The following GALNTL6 variants were observed in gnomAD, a reference collection of about 807,000 sequenced individuals.
The protein encoded by GALNTL6 is polypeptide N-acetylgalactosaminyltransferase like 6.
A neutral mutation model predicts 73.7 loss-of-function variants in GALNTL6; 46 were observed. The ratio of observed to expected loss-of-function variants is 0.62; its 90% CI spans 0.49 to 0.80. The LOEUF is 0.80. Ranked by LOEUF, GALNTL6 falls within the 30% of genes least tolerant of loss-of-function variation. The pLI is 0.00. For synonymous variants in GALNTL6, 259 were observed against 263.7 expected, an observed-to-expected ratio of 0.98 and a Z score of 0.17; for missense variants, 604 against 755.0, an observed-to-expected ratio of 0.80 and a Z score of 2.34.
At chr4:172,143,846 T>C (rs1733860935) in intron 2 of GALNTL6, among the ~76,000 whole-genome samples, 1 of 152,142 alleles carries the variant, frequency 6.6e-6, no homozygotes, top group South Asian at 2.1e-4. Context: ...TCTTATCTTC[T>C]TTTTTTCCCT....
intron 5 of GALNTL6, among the ~76,000 whole-genome samples, chr4:172,759,986 G>A (rs1441436162): frequency 1.3e-5 from 2 of 150,888 alleles, no homozygotes; most frequent in East Asian, 1.9e-4. Context: ...ACAGGCGCCC[G>A]CCACCGCGCC....
intron 5 of GALNTL6, among the ~76,000 whole-genome samples, chr4:172,489,609 G>T (rs337985): frequency 0.11 from 16,377 of 152,132 alleles, 964 homozygotes; most frequent in East Asian, 0.23. Context: ...CTGTTAATTT[G>T]TATGTTTTCT....
intron 5 of GALNTL6, chr4:172,667,561 C>T (rs1310696807): frequency 1.3e-5 from 2 of 152,136 alleles, no homozygotes; most frequent in Admixed American, 6.5e-5. Context: ...GGTCCGGTGT[C>T]CCTGCCAGCA....
intron 5 of GALNTL6, among the ~76,000 whole-genome samples, chr4:172,685,731 C>T (rs947738159): frequency 1.2e-4 from 19 of 152,240 alleles, no homozygotes; most frequent in African/African-American, 4.6e-4. Context: ...TTGAATAAAA[C>T]ATTAATCATT....
At chr4:172,981,890 AG>A (rs1751081689) in intron 10 of GALNTL6, among the ~76,000 whole-genome samples, 1 of 145,310 alleles carries the variant, frequency 6.9e-6, no homozygotes. Flanking sequence ...TCTGCCTCCC[AG>A]GTTCAAGCGA....
rs76297655 is a variant in GALNTL6, at chr4:171,957,078, G to A, written c.138+142360G>A. On this transcript the variant is annotated intron_variant, in intron 2 of 12. Coordinates refer to ENST00000506823, the MANE Select transcript of GALNTL6 (RefSeq NM_001034845.3). ...CGGGGAATGTTCTTTCTACTTTGTA[G>A]TGTACCTAAATCCTGCACATCCTTC... Among the ~76,000 whole-genome samples, 630 of 152,306 alleles carry A rather than the reference G, an allele frequency of 4.1e-3. 6 individuals are homozygous for A. Among genetic ancestry groups the A allele is most frequent in the African/African-American group, 0.014 (600 of 41,568 alleles).
chr4:172,528,331 T>A (rs1322396732), intron 5 of GALNTL6, among the ~76,000 whole-genome samples: 11 of 28,950 alleles, frequency 3.8e-4, no homozygotes, highest in African/African-American at 8.4e-4. Context: ...TATATATATA[T>A]ATATATATAT....
intron 5 of GALNTL6, among the ~76,000 whole-genome samples, chr4:172,747,720 G>C (rs1399403486): frequency 1.3e-5 from 2 of 151,282 alleles, no homozygotes; most frequent in African/African-American, 2.4e-5. Context: ...GCACCCCCAT[G>C]TTCATTGCAA....
Position 171,825,402 on chromosome 4 carries a change from TC to T in GALNTL6, c.138+10687del, listed in dbSNP as rs139761693. 5.4e-3 allele frequency among the ~76,000 whole-genome samples: 829 copies of T among 152,210 alleles called. 9 individuals carry two copies. Among genetic ancestry groups the T allele is most frequent in the African/African-American group, 0.014 (601 of 41,546 alleles). On this transcript the variant is annotated intron_variant, in intron 2 of 12. Coordinates refer to ENST00000506823, the MANE Select transcript of GALNTL6 (RefSeq NM_001034845.3). ...TGGGGGAAAATAAAAATGCTTCTGT[TC>T]CCTAGCCGAGTGAATTTTACCATTT...
chr4:172,578,693 T>A (rs1737053259), intron 5 of GALNTL6, among the ~76,000 whole-genome samples: 1 of 152,210 alleles, frequency 6.6e-6, no homozygotes, highest in South Asian at 2.1e-4. Flanking sequence ...TTTCACAAAA[T>A]CCCTCAAGAA....
At chr4:171,926,607 C>G (rs1737991707) in intron 2 of GALNTL6, among the ~76,000 whole-genome samples, 1 of 152,098 alleles carries the variant, frequency 6.6e-6, no homozygotes, top group Non-Finnish European at 1.5e-5. Flanking sequence ...TGTCTCTTCA[C>G]TAGCATTTGT....
intron 7 of GALNTL6, among the ~76,000 whole-genome samples, chr4:172,847,200 G>A (rs1053959046): frequency 2.6e-5 from 4 of 152,150 alleles, no homozygotes; most frequent in East Asian, 1.9e-4. Context: ...AGGGGTAAAC[G>A]TGGTGCTGCA....
chr4:172,905,677 T>G (rs980697382), intron 8 of GALNTL6, among the ~76,000 whole-genome samples: 1 of 151,972 alleles, frequency 6.6e-6, no homozygotes, highest in Non-Finnish European at 1.5e-5. Flanking sequence ...TAGCCAAATT[T>G]AAAGTTTCCC....
intron 3 of GALNTL6, among the ~76,000 whole-genome samples, chr4:172,308,515 A>G (rs28539721): frequency 0.02 from 3,083 of 152,098 alleles, 100 homozygotes; most frequent in African/African-American, 0.069. Context: ...TTCTATGCCA[A>G]TTTTACTGAG....
chr4:171,986,885 G>A (rs1336395113), intron 2 of GALNTL6, among the ~76,000 whole-genome samples: 3 of 152,212 alleles, frequency 2.0e-5, no homozygotes, highest in Non-Finnish European at 4.4e-5. Context: ...AGAGTTAAGA[G>A]TGGCAGTTTG....
At chr4:172,914,564 C>A (rs1747396677) in intron 8 of GALNTL6, among the ~76,000 whole-genome samples, 1 of 151,908 alleles carries the variant, frequency 6.6e-6, no homozygotes, top group Admixed American at 6.6e-5. Context: ...ATCTACCAAG[C>A]AAATGGAAAA....
intron 5 of GALNTL6, among the ~76,000 whole-genome samples, chr4:172,775,271 G>C (rs761944350): frequency 3.3e-5 from 5 of 152,112 alleles, no homozygotes; most frequent in Non-Finnish European, 7.4e-5. Context: ...GACTGACCTT[G>C]ATGTTGTTTT....
chr4:171,972,693 TTTATA>T (rs1345198577), intron 2 of GALNTL6, among the ~76,000 whole-genome samples: 5 of 152,010 alleles, frequency 3.3e-5, no homozygotes, highest in Admixed American at 6.6e-5. Context: ...GCAATGTGAG[TTTATA>T]GAATTAACTT....
intron 5 of GALNTL6, among the ~76,000 whole-genome samples, chr4:172,703,028 C>T (rs1734118826): frequency 6.6e-6 from 1 of 151,692 alleles, no homozygotes; most frequent in South Asian, 2.1e-4. Context: ...ATGGTTATTT[C>T]CTCTAAATTT....
Sources: gnomAD v4.1 joint callset for allele counts (sites outside exome capture counted in the v4.1 genomes callset) on GRCh38, gnomAD v4.1.1 for gene constraint, MANE v1.5 for transcripts, NCBI Gene and HGNC (gene_info 2026-07-23, HGNC 2026-07-21) for gene names.